SMG6: variants seen among roughly 807,000 people sequenced by gnomAD.
The protein encoded by SMG6 is SMG6 nonsense mediated mRNA decay factor, also known as telomerase-binding protein EST1A.
A neutral mutation model predicts 142.2 loss-of-function variants in SMG6; 66 were observed. The ratio of observed to expected loss-of-function variants is 0.46; its 90% CI spans 0.38 to 0.57. The LOEUF is 0.57. Ranked by LOEUF, SMG6 falls within the 20% of genes least tolerant of loss-of-function variation. The probability of loss-of-function intolerance (pLI) is 0.00; values close to 1 mark genes in which losing one functional copy is unlikely to be tolerated. For missense variants in SMG6, 1,793 were observed against 1,832.0 expected (o/e 0.98, Z 0.39); for synonymous variants, 779 against 702.4 (o/e 1.11, Z -1.72).
At chr17:2,066,259 CGCACGTGTATGTCTGTGTGCGT>C (rs1567567718) in intron 16 of SMG6, among the ~76,000 whole-genome samples, 2 of 151,764 alleles carry the variant, frequency 1.3e-5, no homozygotes, top group Non-Finnish European at 2.9e-5. Flanking sequence ...TGTGTGTGCG[CGCACGTGTATGTCTGTGTGCGT>C]GTATGTGTCT....
At chr17:2,204,812 AATG>A (rs1310314490) in intron 10 of SMG6, among the ~76,000 whole-genome samples, 1 of 152,048 alleles carries the variant, frequency 6.6e-6, no homozygotes, top group East Asian at 1.9e-4. Context: ...AAAATACAAA[AATG>A]AGCCAGACGT....
At chr17:2,161,105 CTTT>C (rs34928313) in intron 13 of SMG6, among the ~76,000 whole-genome samples, 13 of 132,626 alleles carry the variant, frequency 9.8e-5, no homozygotes, top group Admixed American at 3.8e-4. Context: ...ATAACTGACC[CTTT>C]TTTTTTTTTT....
intron 13 of SMG6, among the ~76,000 whole-genome samples, chr17:2,092,129 G>A (rs146848564): frequency 6.6e-6 from 1 of 152,208 alleles, no homozygotes; most frequent in East Asian, 1.9e-4. Flanking sequence ...GGGATTACAG[G>A]TGCGCACTAC....
intron 10 of SMG6, among the ~76,000 whole-genome samples, chr17:2,208,694 G>C (rs2072760862): frequency 1.3e-5 from 2 of 152,178 alleles, no homozygotes; most frequent in East Asian, 3.8e-4. Context: ...AAGTCTAACA[G>C]GACTTGCTTA....
At chr17:2,143,557 G>A (rs1288647391) in intron 13 of SMG6, among the ~76,000 whole-genome samples, 2 of 152,176 alleles carry the variant, frequency 1.3e-5, no homozygotes, top group Non-Finnish European at 2.9e-5. Context: ...GTAAACTAGT[G>A]GTTGACAGGG....
chr17:2,173,040 A>G, intron 12 of SMG6, 181 bp from the exon 13 acceptor site: 2 of 619,328 alleles, frequency 3.2e-6, no homozygotes, highest in South Asian at 3.9e-5. Flanking sequence ...AATCTGAGGT[A>G]TGTGTATGTG....
At chr17:2,163,461 C>T (rs1045816955) in intron 13 of SMG6, among the ~76,000 whole-genome samples, 9 of 152,048 alleles carry the variant, frequency 5.9e-5, no homozygotes, top group African/African-American at 1.7e-4. Context: ...ATTAGAGGTG[C>T]GAGCCACTGT....
chr17:2,074,089 A>AAG (rs200986330), intron 15 of SMG6, among the ~76,000 whole-genome samples: 1 of 151,850 alleles, frequency 6.6e-6, no homozygotes, highest in African/African-American at 2.4e-5. Flanking sequence ...ATCTCAAAAA[A>AAG]AGAGAGAGAG....
intron 13 of SMG6, among the ~76,000 whole-genome samples, chr17:2,148,086 G>A (rs1321172701): frequency 2.0e-5 from 3 of 152,138 alleles, no homozygotes; most frequent in Admixed American, 1.3e-4. Context: ...AGCTACTGGG[G>A]AGGCTGAGGT....
At chr17:2,222,186 T>C (rs2073188853) in intron 10 of SMG6, among the ~76,000 whole-genome samples, 1 of 151,930 alleles carries the variant, frequency 6.6e-6, no homozygotes, top group South Asian at 2.1e-4. Flanking sequence ...TGCAGAATAG[T>C]AGAGGAAAAT....
At chr17:2,061,809 G>A (rs1209311384) in intron 18 of SMG6, 187 bp from the exon 19 acceptor site, 8 of 598,960 alleles carry the variant, frequency 1.3e-5, no homozygotes, top group Admixed American at 3.0e-5. Context: ...GGCCTAGAGA[G>A]GGCTGCACTG....
chr17:2,193,355 G>A (rs2151703394), intron 10 of SMG6, among the ~76,000 whole-genome samples: 1 of 152,256 alleles, frequency 6.6e-6, no homozygotes, highest in African/African-American at 2.4e-5. Context: ...ACAACCTGCA[G>A]AACCGTAAGT....
At chr17:2,137,475 C>T (rs1470068612) in intron 13 of SMG6, among the ~76,000 whole-genome samples, 1 of 152,060 alleles carries the variant, frequency 6.6e-6, no homozygotes, top group African/African-American at 2.4e-5. Context: ...TGTGACAGTA[C>T]TCGCTGCAGA....
At chr17:2,151,163 C>T (rs1193827497) in intron 13 of SMG6, among the ~76,000 whole-genome samples, 1 of 152,236 alleles carries the variant, frequency 6.6e-6, no homozygotes, top group Non-Finnish European at 1.5e-5. Flanking sequence ...ACTCCACAGT[C>T]TGCACTGCTC....
intron 1 of SMG6, chr17:2,303,035 T>G (rs2075319743): frequency 1.0e-6 from 1 of 985,352 alleles, no homozygotes; most frequent in Non-Finnish European, 1.2e-6. Flanking sequence ...GGCTGGAGAC[T>G]TGAAATTAAC....
intron 8 of SMG6, among the ~76,000 whole-genome samples, chr17:2,272,627 G>A (rs551745176): frequency 1.3e-5 from 2 of 152,130 alleles, no homozygotes; most frequent in Non-Finnish European, 2.9e-5. Context: ...CTCTGCCTTC[G>A]TATTTCAGGT....
At chr17:2,291,844 GCCTC>G in intron 6 of SMG6, among the ~76,000 whole-genome samples, 1 of 105,978 alleles carries the variant, frequency 9.4e-6, no homozygotes, top group Non-Finnish European at 1.8e-5. Flanking sequence ...GCAAGACCCT[GCCTC>G]TCTTAAAAAA....
chr17:2,097,440 AT>A (rs1314401073), intron 13 of SMG6, among the ~76,000 whole-genome samples: 6 of 152,118 alleles, frequency 3.9e-5, no homozygotes, highest in Non-Finnish European at 7.4e-5. Flanking sequence ...CCAGCCAATC[AT>A]TTTTATTGTC....
At chr17:2,193,460 A>C (rs991533148) in intron 10 of SMG6, among the ~76,000 whole-genome samples, 2 of 152,202 alleles carry the variant, frequency 1.3e-5, no homozygotes, top group African/African-American at 2.4e-5. Context: ...AGACAGAAGA[A>C]GGTGGAAGGT....
Sources: allele counts gnomAD v4.1 joint callset (sites outside exome capture counted in the v4.1 genomes callset), GRCh38; gene constraint gnomAD v4.1.1; transcripts MANE v1.5; gene names NCBI Gene and HGNC (gene_info 2026-07-23, HGNC 2026-07-21).